Variants in ERCC2 observed in about 807,000 individuals in gnomAD.
The protein encoded by ERCC2 is ERCC excision repair 2, TFIIH core complex helicase subunit, also known as general transcription and DNA repair factor IIH helicase subunit XPD.
Under a neutral mutation model 99.4 loss-of-function variants are expected in ERCC2, and 90 were observed. The observed-to-expected ratio is 0.91, with a 90% CI of 0.76 to 1.08. The LOEUF (loss-of-function observed/expected upper bound fraction) is 1.08, where lower values mean the gene tolerates loss of function less well. Ranked by LOEUF, ERCC2 falls within the 50% of genes least tolerant of loss-of-function variation. ERCC2 has a pLI of 0.00. For missense variants in ERCC2, 993 were observed against 1,038.1 expected (o/e 0.96, Z 0.60); for synonymous variants, 497 against 432.4 (o/e 1.15, Z -1.85).
chr19:45,352,476 G>T, intron 21 of ERCC2, 30 bp downstream of exon 21: 1 of 1,614,104 alleles, frequency 6.2e-7, no homozygotes, highest in Non-Finnish European at 8.5e-7. Context: ...AGCCTGGGAT[G>T]GGAGCACAGG....
chr19:45,350,070 A>G lies in ERCC2; in HGVS notation c.*1559T>C. 1 of 491,896 alleles carries G rather than the reference A, an allele frequency of 2.0e-6. No homozygotes were observed. Among genetic ancestry groups the G allele is most frequent in the Non-Finnish European group, 3.6e-6 (1 of 274,480 alleles). 30.5% of individuals were successfully genotyped at this position (491,896 alleles called of 1,614,324 possible). On this transcript the variant is annotated 3_prime_UTR_variant, in exon 23 of 23. Transcript: ENST00000391945. ...GGCAGGAAGTAAGGCCGAGCTCCAA[A>G]CCCACTCTGCCCCAGGGCAAGGCTT...
In ERCC2 at chr19:45,363,726, G is replaced by A. The variant is rs376662143; in HGVS notation, c.1118+17C>T. On this transcript the variant is annotated intron_variant, in intron 11 of 22. Coordinates refer to ENST00000391945, the MANE Select transcript of ERCC2 (RefSeq NM_000400.4). Reference sequence around the variant, plus strand: ...GACCTGCCGGGCCCCCACCCCGCGCGCTGTCTGGGGCCGCACCTGAGGGGC... The same window carrying A: ...GACCTGCCGGGCCCCCACCCCGCGCACTGTCTGGGGCCGCACCTGAGGGGC... 389 of 1,526,438 alleles carry A rather than the reference G, an allele frequency of 2.5e-4. No individual in the cohort carries two copies. The highest frequency in any genetic ancestry group is 3.2e-4 in the Non-Finnish European group (367 of 1,141,168). 94.6% of individuals were successfully genotyped at this position (1,526,438 alleles called of 1,614,324 possible). A position where few individuals can be genotyped will look rare whatever the true frequency, so the allele number is the denominator to read the frequency against.
intron 17 of ERCC2, 119 bp downstream of exon 17, chr19:45,354,611 A>G (rs775395698): frequency 3.6e-5 from 48 of 1,337,498 alleles, no homozygotes; most frequent in Non-Finnish European, 5.0e-5. Context: ...TGCTGCACAC[A>G]CTCTCCTGTC....
chr19:45,353,674 T>C (rs1275988876), intron 17 of ERCC2, among the ~76,000 whole-genome samples: 3 of 152,102 alleles, frequency 2.0e-5, no homozygotes, highest in East Asian at 1.9e-4. Context: ...GACACTACAA[T>C]AGAGACAGTG....
Position 45,350,218 on chromosome 19 carries a change from TCAAGACCAGCCTGGGCAACATAC to T in ERCC2, c.*1388_*1410del. On this transcript the variant is annotated 3_prime_UTR_variant, in exon 23 of 23. Coordinates refer to ENST00000391945, the MANE Select transcript of ERCC2 (RefSeq NM_000400.4). ...AGGAGGATCACTTGAGGCTAGGAGT[TCAAGACCAGCCTGGGCAACATAC>T]CAAGACCCCTGTCTCTACAAAAAAA... is the stretch of plus-strand genomic sequence containing the variant. 1.4e-6 allele frequency: 1 copy of T among 719,994 alleles called. No homozygotes were observed. The highest frequency in any genetic ancestry group is 1.8e-5 in the African/African-American group (1 of 54,514). The allele number at this position is 719,994 out of a possible 1,614,324, so 44.6% of individuals were successfully genotyped here.
At chr19:45,357,216 G>A (rs555641876) in intron 15 of ERCC2, 54 bp downstream of exon 15, 225 of 1,308,380 alleles carry the variant, frequency 1.7e-4, no homozygotes, top group South Asian at 2.1e-4. Context: ...GAAGGAGGGC[G>A]GCCCCTTGCC....
At chr19:45,356,813 A>G (rs1199275124) in intron 15 of ERCC2, among the ~76,000 whole-genome samples, 1 of 152,288 alleles carries the variant, frequency 6.6e-6, no homozygotes, top group East Asian at 1.9e-4. Flanking sequence ...GTCGCACAAC[A>G]AAAACAAAAA....
chr19:45,357,386 T>TGGGAGGGATCTCAGCAGGACTG lies in ERCC2; in HGVS notation c.1378-37_1378-16dup. On this transcript the variant is annotated splice_polypyrimidine_tract_variant and intron_variant, in intron 14 of 22. Coordinates refer to ENST00000391945, the MANE Select transcript of ERCC2 (RefSeq NM_000400.4). ...GGGGACAGTGTCTGTGGCGGGACAG[T>TGGGAGGGATCTCAGCAGGACTG]GGGAGGGATCTCAGCAGGACTGGGC... The TGGGAGGGATCTCAGCAGGACTG allele has an allele frequency of 6.2e-7, 1 of 1,611,070 alleles. No homozygotes were observed. Among genetic ancestry groups the TGGGAGGGATCTCAGCAGGACTG allele is most frequent in the Non-Finnish European group, 8.5e-7 (1 of 1,177,614 alleles).
At chr19:45,357,187 A>C in intron 15 of ERCC2, 83 bp downstream of exon 15, 1 of 958,390 alleles carries the variant, frequency 1.0e-6, no homozygotes, top group Non-Finnish European at 1.6e-6. Flanking sequence ...CTCCTGCCTG[A>C]GCAGTGGGGG....
At position 45,351,509 on chromosome 19, in the gene ERCC2, CG is replaced by C. The variant is rs3916890; in HGVS notation, c.*119del. 0.037 allele frequency: 58,885 copies of C among 1,598,270 alleles called. 1,201 individuals carry two copies. Among genetic ancestry groups the C allele is most frequent in the Non-Finnish European group, 0.041 (48,522 of 1,177,242 alleles). ...TTCTCCTGCGATTAAAGGCTGTGGA[CG>C]TGACAGTGAGAAATGTCACCTGACT... On this transcript the variant is annotated 3_prime_UTR_variant, in exon 23 of 23. Transcript: ENST00000391945.
Position 45,369,087 on chromosome 19 carries a change from T to G in ERCC2, c.166A>C (p.Ile56Leu). The G allele has an allele frequency of 6.2e-7, 1 of 1,614,152 alleles. No individual in the cohort carries two copies. Among genetic ancestry groups the G allele is most frequent in the Non-Finnish European group, 8.5e-7 (1 of 1,180,014 alleles). ...TCACTCACTCTCTGGTATGCCATGA[T>G]CAGGGCCAACAGGGATACTGTCTTC... ...TGKTVSLLAL[I>L]MAYQRAYPLE... Residue 56 changes from isoleucine (I) to leucine (L), a missense_variant, in exon 3 of 23, where the codon ATC becomes CTC. Transcript: ENST00000391945.
intron 15 of ERCC2, among the ~76,000 whole-genome samples, chr19:45,356,975 C>CT (rs1267795862): frequency 6.6e-6 from 1 of 152,196 alleles, no homozygotes; most frequent in Non-Finnish European, 1.5e-5. Context: ...GACTAAGCGC[C>CT]TACCTGTGCC....
intron 12 of ERCC2, chr19:45,358,610 G>C: frequency 1.9e-6 from 1 of 531,818 alleles, no homozygotes; most frequent in Non-Finnish European, 3.4e-6. Flanking sequence ...AGTCCCCCCA[G>C]GGCCTTTATA....
chr19:45,370,451 G>C, intron 1 of ERCC2, 85 bp downstream of exon 1: 4 of 1,385,830 alleles, frequency 2.9e-6, no homozygotes, highest in Non-Finnish European at 3.8e-6. Flanking sequence ...TCGCCCCCTT[G>C]GGGACCCAGG....
intron 16 of ERCC2, 81 bp from the exon 17 acceptor site, chr19:45,354,932 A>C (rs1599729309): frequency 6.3e-7 from 1 of 1,585,088 alleles, no homozygotes; most frequent in Admixed American, 1.7e-5. Context: ...GTTTCTGGAA[A>C]CCCCACTGAG....
chr19:45,364,808 C>T (rs761492594), intron 7 of ERCC2, 30 bp downstream of exon 7: 2 of 1,542,694 alleles, frequency 1.3e-6, no homozygotes, highest in South Asian at 2.2e-5. Flanking sequence ...CTCACACTCG[C>T]CCCTCTGCCC....
chr19:45,370,544 G>A lies in ERCC2; in HGVS notation c.-4C>T, dbSNP rs745672678. On this transcript the variant is annotated 5_prime_UTR_variant, in exon 1 of 23. Transcript: ENST00000391945. ...CCCAGCCCCCTTCTCACTTCATGGCGCCGGCCGGACTGTGCAGCGGGGTCG... is the reference window on the plus strand; with the variant it reads ...CCCAGCCCCCTTCTCACTTCATGGCACCGGCCGGACTGTGCAGCGGGGTCG... The A allele has an allele frequency of 3.1e-6, 5 of 1,591,702 alleles. No homozygotes were observed. The highest frequency in any genetic ancestry group is 2.2e-5 in the South Asian group (2 of 88,970).
At chr19:45,352,150 G>GACTT (rs1971822860) in intron 22 of ERCC2, 59 bp downstream of exon 22, 1 of 1,590,300 alleles carries the variant, frequency 6.3e-7, no homozygotes, top group African/African-American at 1.3e-5. Flanking sequence ...AATCCAAGGG[G>GACTT]ACTTTCTGGA....
Position 45,351,331 on chromosome 19 carries a change from A to C in ERCC2, c.*298T>G. On this transcript the variant is annotated 3_prime_UTR_variant, in exon 23 of 23. Transcript: ENST00000391945. ...CAAGGCCCCTCGGACCCTCAGCGCC[A>C]GCACCCAGGACCTGAGCCCCCACTA... 1 of 1,612,012 alleles carries C rather than the reference A, an allele frequency of 6.2e-7. No individual in the cohort carries two copies. Among genetic ancestry groups the C allele is most frequent in the Non-Finnish European group, 8.5e-7 (1 of 1,179,968 alleles).
Sources: gnomAD v4.1 joint callset for allele counts (sites outside exome capture counted in the v4.1 genomes callset) on GRCh38, gnomAD v4.1.1 for gene constraint, MANE v1.5 for transcripts, NCBI Gene and HGNC (gene_info 2026-07-23, HGNC 2026-07-21) for gene names.